ZFPM1: variants seen among roughly 807,000 people sequenced by gnomAD.
The protein encoded by ZFPM1 is zinc finger protein ZFPM1.
ZFPM1 carries 28 observed loss-of-function variants against 46.3 expected under a neutral mutation model. That is an observed-to-expected ratio of 0.60 (90% CI 0.45 to 0.83). The LOEUF is 0.83. ZFPM1 is among the 40% of genes least tolerant of loss of function. ZFPM1 has a pLI of 0.00. For missense variants in ZFPM1, 1,878 were observed against 1,432.4 expected (o/e 1.31, Z -5.02); for synonymous variants, 957 against 675.9 (o/e 1.42, Z -6.45).
intron 1 of ZFPM1, among the ~76,000 whole-genome samples, chr16:88,478,732 C>G (rs1426218608): frequency 1.3e-5 from 2 of 152,218 alleles, no homozygotes; most frequent in Non-Finnish European, 2.9e-5. Context: ...GATGAGGAGG[C>G]CTCAACTGCA....
intron 3 of ZFPM1, among the ~76,000 whole-genome samples, chr16:88,499,366 C>T (rs1910120443): frequency 6.6e-6 from 1 of 152,198 alleles, no homozygotes; most frequent in African/African-American, 2.4e-5. Context: ...GGAAAACAGA[C>T]CTCCTCCAGA....
rs907314447 is a variant in ZFPM1, at chr16:88,484,293, C to A, written c.41-1646C>A. Among the ~76,000 whole-genome samples, 5 of 152,326 alleles carry A rather than the reference C, an allele frequency of 3.3e-5. No individual in the cohort carries two copies. The East Asian group carries it at 7.7e-4, about 24-fold the overall frequency. On this transcript the variant is annotated intron_variant, in intron 1 of 9. Transcript: ENST00000319555. ...GGAACCACCTAGCCAGAGGCGCAAACCCCGAACAGTTCTCCATCCGTGCGG... is the reference window on the plus strand; with the variant it reads ...GGAACCACCTAGCCAGAGGCGCAAAACCCGAACAGTTCTCCATCCGTGCGG...
intron 4 of ZFPM1, among the ~76,000 whole-genome samples, chr16:88,523,795 C>A (rs1912088139): frequency 6.6e-6 from 1 of 152,182 alleles, no homozygotes. Flanking sequence ...CCTGTTCCCT[C>A]CCGGGTCGGG....
chr16:88,508,956 C>G (rs941257617), intron 3 of ZFPM1, among the ~76,000 whole-genome samples: 1 of 152,330 alleles, frequency 6.6e-6, no homozygotes, highest in South Asian at 2.1e-4. Flanking sequence ...CCGCACGCGG[C>G]GCGTCATCGT....
At chr16:88,531,909 G>T in intron 6 of ZFPM1, 93 bp from the exon 7 acceptor site, 1 of 1,249,972 alleles carries the variant, frequency 8.0e-7, no homozygotes, top group African/African-American at 1.5e-5. Flanking sequence ...GGACGGTGGG[G>T]TCCGTCACGG....
intron 1 of ZFPM1, among the ~76,000 whole-genome samples, chr16:88,478,175 C>G (rs987496111): frequency 6.8e-6 from 1 of 147,204 alleles, no homozygotes; most frequent in Non-Finnish European, 1.5e-5. Flanking sequence ...AGGCACAGCC[C>G]GGGTGGTGGG....
chr16:88,452,283 G>A (rs1259760420), upstream of ZFPM1, among the ~76,000 whole-genome samples: 1 of 152,232 alleles, frequency 6.6e-6, no homozygotes, highest in Non-Finnish European at 1.5e-5. Context: ...CACCCCAGAG[G>A]GCAACAGTTC....
rs1436164442 is a variant in ZFPM1 at position 88,535,690 on chromosome 16, A to T, written c.*711A>T. 5 of 152,288 alleles carry T rather than the reference A, an allele frequency of 3.3e-5. No homozygotes were observed. Among genetic ancestry groups the T allele is most frequent in the African/African-American group, 1.2e-4 (5 of 41,444 alleles). The allele number at this position is 152,288 out of a possible 1,614,324, so 9.4% of individuals were successfully genotyped here. On this transcript the variant is annotated 3_prime_UTR_variant, in exon 10 of 10. Coordinates refer to ENST00000319555, the MANE Select transcript of ZFPM1 (RefSeq NM_153813.3). ...TGGCCTCGAGGGGGTCCTGATGCTC[A>T]CTGGTGGGTGCATCTCTCCCTCAGA...
intron 3 of ZFPM1, among the ~76,000 whole-genome samples, chr16:88,506,860 T>C (rs1473542206): frequency 3.3e-5 from 5 of 152,198 alleles, no homozygotes; most frequent in Non-Finnish European, 7.3e-5. Context: ...CTCCAAGCTC[T>C]GGTGCATCCA....
Position 88,493,906 on chromosome 16 carries a change from AGGAG to A in ZFPM1, c.268+4756_268+4759del, listed in dbSNP as rs1329655201. On this transcript the variant is annotated intron_variant, in intron 3 of 9. Coordinates refer to ENST00000319555, the MANE Select transcript of ZFPM1 (RefSeq NM_153813.3). Reference sequence around the variant, plus strand: ...TTGCTCTCGAGCGCCACGGCTTCAAAGGAGGGCACCTTGAGCTGTTCTGAGACGG... The same window carrying A: ...TTGCTCTCGAGCGCCACGGCTTCAAAGGCACCTTGAGCTGTTCTGAGACGG... Among the ~76,000 whole-genome samples the A allele has an allele frequency of 3.9e-5, 6 of 152,302 alleles. No homozygotes were observed. In the East Asian group the frequency reaches 1.2e-3, roughly 29 times the overall value.
chr16:88,494,562 G>C (rs1909823255), intron 3 of ZFPM1, among the ~76,000 whole-genome samples: 1 of 152,182 alleles, frequency 6.6e-6, no homozygotes, highest in Non-Finnish European at 1.5e-5. Context: ...ACAGGGAGGG[G>C]GCTGATTCCA....
chr16:88,451,956 C>G (rs919220737), upstream of ZFPM1, among the ~76,000 whole-genome samples: 1 of 152,204 alleles, frequency 6.6e-6, no homozygotes, highest in Non-Finnish European at 1.5e-5. Context: ...CCCACTTCTC[C>G]CCTTCCTTGG....
intron 4 of ZFPM1, among the ~76,000 whole-genome samples, chr16:88,519,719 G>GTGGGTGGATGATGGA (rs1911672956): frequency 7.4e-6 from 1 of 135,218 alleles, no homozygotes; most frequent in Non-Finnish European, 1.6e-5. Flanking sequence ...GGATGGGAGG[G>GTGGGTGGATGATGGA]TGGGTGGATG....
chr16:88,465,391 GA>G (rs890664299), intron 1 of ZFPM1, among the ~76,000 whole-genome samples: 101 of 152,262 alleles, frequency 6.6e-4, no homozygotes, highest in Non-Finnish European at 1.6e-4. Context: ...AAGGGTGGAG[GA>G]AAAGCCAGAA....
At chr16:88,518,522 G>A (rs891599630) in intron 4 of ZFPM1, among the ~76,000 whole-genome samples, 2 of 151,770 alleles carry the variant, frequency 1.3e-5, no homozygotes, top group Non-Finnish European at 2.9e-5. Context: ...CAGCTGGGTG[G>A]ATGGATAGAT....
intron 3 of ZFPM1, among the ~76,000 whole-genome samples, chr16:88,511,110 G>A (rs1287325496): frequency 6.6e-6 from 1 of 152,192 alleles, no homozygotes; most frequent in Non-Finnish European, 1.5e-5. Flanking sequence ...CCAGTCACAG[G>A]AGGCTGGCAG....
At chr16:88,493,653 CGGGGTGCGGGG>C (rs1207809355) in intron 3 of ZFPM1, among the ~76,000 whole-genome samples, 2 of 148,384 alleles carry the variant, frequency 1.3e-5, no homozygotes, top group African/African-American at 5.1e-5. Context: ...TGAGCTGTCC[CGGGGTGCGGGG>C]AGCTGTCCCG....
intron 3 of ZFPM1, among the ~76,000 whole-genome samples, chr16:88,495,639 G>A (rs747142348): frequency 6.6e-6 from 1 of 152,138 alleles, no homozygotes; most frequent in Non-Finnish European, 1.5e-5. Flanking sequence ...CGTGCCAAGG[G>A]TGCCATGCTA....
At chr16:88,502,255 G>A (rs1292161689) in intron 3 of ZFPM1, among the ~76,000 whole-genome samples, 2 of 152,056 alleles carry the variant, frequency 1.3e-5, no homozygotes, top group African/African-American at 2.4e-5. Context: ...TATCCTGCCC[G>A]AAAGGGCCGA....
Sources: allele counts gnomAD v4.1 joint callset (sites outside exome capture counted in the v4.1 genomes callset), GRCh38; gene constraint gnomAD v4.1.1; transcripts MANE v1.5; gene names NCBI Gene and HGNC (gene_info 2026-07-23, HGNC 2026-07-21).